OLFM1: variants seen among roughly 807,000 people sequenced by gnomAD.
OLFM1 encodes olfactomedin 1.
A neutral mutation model predicts 49.7 loss-of-function variants in OLFM1; 9 were observed. The ratio of observed to expected loss-of-function variants is 0.18; its 90% CI spans 0.11 to 0.32. The LOEUF is 0.32. Among genes scored for constraint, OLFM1 ranks in the 10% least tolerant of loss-of-function variants. The probability of loss-of-function intolerance (pLI) is 1.00; values close to 1 mark genes in which losing one functional copy is unlikely to be tolerated. For synonymous variants in OLFM1, 240 were observed against 271.8 expected, an observed-to-expected ratio of 0.88 and a Z score of 1.15; for missense variants, 369 against 661.8, an observed-to-expected ratio of 0.56 and a Z score of 4.85.
At chr9:135,087,343 G>C, upstream of OLFM1, 1 of 1,542,686 alleles carries the variant, frequency 6.5e-7, no homozygotes, top group Non-Finnish European at 8.7e-7. Context: ...GACCCTCTGC[G>C]GGGATCGGAG....
At chr9:135,106,298 A>G in intron 4 of OLFM1, 1 of 164,742 alleles carries the variant, frequency 6.1e-6, no homozygotes, top group Non-Finnish European at 1.3e-5. Context: ...ACTGGGCCTG[A>G]CTGTGCCCCA....
Position 135,105,309 on chromosome 9 carries a change from A to G in OLFM1, c.677-1440A>G, listed in dbSNP as rs183093098. Among the ~76,000 whole-genome samples, 15 of 152,332 alleles carry G rather than the reference A, an allele frequency of 9.8e-5. No homozygotes were observed. In the East Asian group the frequency reaches 2.9e-3, roughly 29 times the overall value. Reference sequence around the variant, plus strand: ...CCTTGGAGCAATGCAGCCCGACTCGATGGGAATTTGGGGGCAAACCCAGTC... The same window carrying G: ...CCTTGGAGCAATGCAGCCCGACTCGGTGGGAATTTGGGGGCAAACCCAGTC... On this transcript the variant is annotated intron_variant, in intron 4 of 5. Coordinates refer to ENST00000371793, the MANE Select transcript of OLFM1 (RefSeq NM_001282611.2).
intron 1 of OLFM1, among the ~76,000 whole-genome samples, chr9:135,089,325 C>G (rs1421521560): frequency 6.6e-6 from 1 of 152,220 alleles, no homozygotes; most frequent in Admixed American, 6.5e-5. Context: ...AGAGAGATGA[C>G]CTGATGCCAC....
chr9:135,109,250 C>T (rs1323058062), intron 5 of OLFM1, among the ~76,000 whole-genome samples: 4 of 152,222 alleles, frequency 2.6e-5, no homozygotes, highest in Admixed American at 6.5e-5. Context: ...GTCAAGTTAT[C>T]GTTTTTCTAG....
chr9:135,096,457 C>G (rs1488244263), intron 3 of OLFM1, among the ~76,000 whole-genome samples: 1 of 152,216 alleles, frequency 6.6e-6, no homozygotes, highest in Non-Finnish European at 1.5e-5. Context: ...TTGTTCTGTG[C>G]CTTGAAAGGA....
upstream of OLFM1, among the ~76,000 whole-genome samples, chr9:135,083,275 G>A (rs918733944): frequency 6.6e-6 from 1 of 152,240 alleles, no homozygotes; most frequent in East Asian, 1.9e-4. Context: ...TTTTCCATTC[G>A]GCAACTAAGG....
intron 1 of OLFM1, chr9:135,076,262 G>T: frequency 6.4e-7 from 1 of 1,550,570 alleles, no homozygotes; most frequent in Non-Finnish European, 8.7e-7. Context: ...CTGCCCTTGG[G>T]GGCTCCAGAA....
In OLFM1 at chr9:135,082,026, G is replaced by A. The variant is rs576979124; in HGVS notation, c.96+6224G>A. 4.6e-5 allele frequency among the ~76,000 whole-genome samples: 7 copies of A among 152,312 alleles called. No individual in the cohort carries two copies. The East Asian group carries it at 1.4e-3, about 29-fold the overall frequency. On this transcript the variant is annotated intron_variant, in intron 1 of 5. Coordinates refer to the OLFM1 transcript ENST00000252854. ...TCCTGTCCCTGCTTCTTCTGTGCTC[G>A]TGTCAAAGCTCACGCCCCTGCCTGG... is the stretch of plus-strand genomic sequence containing the variant.
At chr9:135,109,871 G>A (rs993671993) in intron 5 of OLFM1, among the ~76,000 whole-genome samples, 7 of 152,132 alleles carry the variant, frequency 4.6e-5, no homozygotes, top group East Asian at 1.9e-4. Flanking sequence ...CTCTGTGTTC[G>A]TGTGACCACA....
chr9:135,100,102 T>C (rs1040562395), intron 4 of OLFM1, among the ~76,000 whole-genome samples: 7 of 152,168 alleles, frequency 4.6e-5, no homozygotes, highest in Non-Finnish European at 1.0e-4. Flanking sequence ...TTTTTGTTGT[T>C]GTTATGTATT....
At position 135,088,407 on chromosome 9, in the gene OLFM1, C is replaced by A. The variant is rs1830631834; in HGVS notation, c.150+268C>A. 6.6e-6 allele frequency among the ~76,000 whole-genome samples: 1 copy of A among 151,676 alleles called. No individual in the cohort carries two copies. Among genetic ancestry groups the A allele is most frequent in the Admixed American group, 6.6e-5 (1 of 15,256 alleles). On this transcript the variant is annotated intron_variant, in intron 1 of 5. Coordinates refer to ENST00000371793, the MANE Select transcript of OLFM1 (RefSeq NM_001282611.2). This position sits in a 1 kb window ranked among gnomAD's most constrained non-coding sequence, Gnocchi z 4.8. ...TCGTCTGGGCCCCTCGCCGCGGGGCCGGGGGAGCTTGGTGGGTTCTCGGAG... is the reference window on the plus strand; with the variant it reads ...TCGTCTGGGCCCCTCGCCGCGGGGCAGGGGGAGCTTGGTGGGTTCTCGGAG...
At chr9:135,108,506 A>C (rs562330970) in intron 5 of OLFM1, among the ~76,000 whole-genome samples, 1 of 152,070 alleles carries the variant, frequency 6.6e-6, no homozygotes, top group East Asian at 1.9e-4. Flanking sequence ...GGTGGCGTGC[A>C]CCTGTAATCC....
In OLFM1 at chr9:135,088,711, A is replaced by G. The variant is rs1345338206; in HGVS notation, c.150+572A>G. Among the ~76,000 whole-genome samples, 2 of 152,036 alleles carry G rather than the reference A, an allele frequency of 1.3e-5. No individual in the cohort carries two copies. Among genetic ancestry groups the G allele is most frequent in the Non-Finnish European group, 2.9e-5 (2 of 67,976 alleles). ...AGTCCCAAGGCGCCCTTTCCTCCCC[A>G]GTCCATAGGAGGGTTTGTTCCTTCT... is the stretch of plus-strand genomic sequence containing the variant. On this transcript the variant is annotated intron_variant, in intron 1 of 5. Coordinates refer to ENST00000371793, the MANE Select transcript of OLFM1 (RefSeq NM_001282611.2). The surrounding 1 kb of genome is among the most constrained non-coding windows in gnomAD (Gnocchi z 4.8).
In OLFM1 at chr9:135,087,742, G is replaced by T; in HGVS notation, c.-248G>T. 2.4e-6 allele frequency: 1 copy of T among 410,360 alleles called. No individual in the cohort carries two copies. The highest frequency in any genetic ancestry group is 9.4e-5 in the South Asian group (1 of 10,694). 25.4% of individuals were successfully genotyped at this position (410,360 alleles called of 1,614,324 possible). A position where few individuals can be genotyped will look rare whatever the true frequency, so the allele number is the denominator to read the frequency against. On this transcript the variant is annotated 5_prime_UTR_variant, in exon 1 of 6. Transcript: ENST00000371793. The stretch of plus-strand genomic sequence containing the variant: ...AGCCGGGCAAGGCAGGGCGCAGGGC[G>T]GGCGGCGCGAGGCGCAGGGCGCGGC...
chr9:135,110,787 G>T (rs1441445622), intron 5 of OLFM1, among the ~76,000 whole-genome samples: 1 of 152,118 alleles, frequency 6.6e-6, no homozygotes, highest in Non-Finnish European at 1.5e-5. Flanking sequence ...ATTCAGCTAC[G>T]GGCCGCTTTA....
Position 135,090,293 on chromosome 9 carries a change from C to T in OLFM1, c.249C>T (p.Thr83=). ...GCACAGTGGTCGCTCCACAGCAGAC[C>T]ATGTGTTCACGGGATGCCCGCACAA... The part of the protein sequence containing the change: ...CICTVVAPQQ[T]MCSRDARTKQ... Residue 83 remains threonine (T), a synonymous_variant, in exon 2 of 6, where the codon ACC becomes ACT. Transcript: ENST00000371793. 1 of 1,614,072 alleles carries T rather than the reference C, an allele frequency of 6.2e-7. No individual in the cohort carries two copies. The highest frequency in any genetic ancestry group is 2.2e-5 in the East Asian group (1 of 44,864).
In OLFM1 at chr9:135,120,076, G is replaced by A; in HGVS notation, c.1356G>A (p.Leu452=). ...ACAAATACTCCCACATCTCCATGCTGGACTACAACCCCAAGGACCGGGCCC... is the reference window on the plus strand; with the variant it reads ...ACAAATACTCCCACATCTCCATGCTAGACTACAACCCCAAGGACCGGGCCC... ...FQNKYSHISM[L]DYNPKDRALY... Residue 452 remains leucine, a synonymous_variant, in exon 6 of 6, where the codon CTG becomes CTA. Coordinates refer to ENST00000371793, the MANE Select transcript of OLFM1 (RefSeq NM_001282611.2). 1.2e-6 allele frequency: 2 copies of A among 1,614,052 alleles called. No individual in the cohort carries two copies. The highest frequency in any genetic ancestry group is 1.7e-6 in the Non-Finnish European group (2 of 1,180,020).
chr9:135,111,736 A>T (rs1831025834), intron 5 of OLFM1, among the ~76,000 whole-genome samples: 1 of 151,876 alleles, frequency 6.6e-6, no homozygotes, highest in African/African-American at 2.4e-5. Context: ...TTTGAGACGG[A>T]GTCTTGCTCT....
chr9:135,100,071 G>A (rs530048806), intron 4 of OLFM1, among the ~76,000 whole-genome samples: 11 of 152,240 alleles, frequency 7.2e-5, no homozygotes, highest in South Asian at 4.2e-4. Flanking sequence ...CTCGGCCTCC[G>A]AAGAATCCAG....
Sources: allele counts gnomAD v4.1 joint callset (sites outside exome capture counted in the v4.1 genomes callset), GRCh38; gene constraint gnomAD v4.1.1; non-coding constraint Gnocchi (gnomAD v3.1); transcripts MANE v1.5; gene names NCBI Gene and HGNC (gene_info 2026-07-23, HGNC 2026-07-21).